BCAR1: variants seen among roughly 807,000 people sequenced by gnomAD.
The protein encoded by BCAR1 is BCAR1 scaffold protein, Cas family member, also known as breast cancer anti-estrogen resistance protein 1.
BCAR1 carries 30 observed loss-of-function variants against 67.6 expected under a neutral mutation model. The ratio of observed to expected loss-of-function variants is 0.44; its 90% CI spans 0.33 to 0.60. The LOEUF (loss-of-function observed/expected upper bound fraction) is 0.60, where lower values mean the gene tolerates loss of function less well. Ranked by LOEUF, BCAR1 falls within the 20% of genes least tolerant of loss-of-function variation. The probability of loss-of-function intolerance (pLI) is 0.02; values close to 1 mark genes in which losing one functional copy is unlikely to be tolerated. For missense variants in BCAR1, 1,313 were observed against 1,222.3 expected, an observed-to-expected ratio of 1.07 and a Z score of -1.11; for synonymous variants, 626 against 556.7, an observed-to-expected ratio of 1.12 and a Z score of -1.75.
chr16:75,258,317 C>A (rs1567623705), intron 1 of BCAR1, among the ~76,000 whole-genome samples: 2 of 152,230 alleles, frequency 1.3e-5, no homozygotes, highest in African/African-American at 2.4e-5. Flanking sequence ...AGTTCTGCTG[C>A]CCCCAGATCC....
intron 5 of BCAR1, among the ~76,000 whole-genome samples, chr16:75,234,352 G>A (rs559261749): frequency 2.3e-4 from 35 of 152,224 alleles, no homozygotes; most frequent in African/African-American, 7.7e-4. Flanking sequence ...TGGGGTACCC[G>A]CAGAAAGTCC....
intron 1 of BCAR1, chr16:75,263,727 C>T (rs961241371): frequency 3.6e-5 from 35 of 985,662 alleles, no homozygotes; most frequent in Non-Finnish European, 4.1e-5. Flanking sequence ...GAAAAGACTG[C>T]CCAAATGGAT....
Position 75,229,972 on chromosome 16 carries a change from C to A in BCAR1, c.2152G>T (p.Asp718Tyr), listed in dbSNP as rs995979152. The part of the protein sequence containing the change: ...EQEVSRPIDH[D>Y]LANWTPAQPL... The stretch of plus-strand genomic sequence containing the variant: ...TGGGCTGGCGTCCAGTTGGCCAGGT[C>A]GTGGTCTATGGGCCGTGACACCTCC... Residue 718 changes from aspartate (D) to tyrosine (Y), a missense_variant, in exon 7 of 7, where the codon GAC becomes TAC. By Grantham distance (160) the Asp-to-Tyr change is radical (BLOSUM62 -3). Coordinates refer to ENST00000162330, the MANE Select transcript of BCAR1 (RefSeq NM_014567.5). 1 of 1,586,402 alleles carries A rather than the reference C, an allele frequency of 6.3e-7. No homozygotes were observed. The highest frequency in any genetic ancestry group is 8.6e-7 in the Non-Finnish European group (1 of 1,163,858).
chr16:75,237,063 A>G, intron 3 of BCAR1, 65 bp from the exon 4 acceptor site: 1 of 1,524,018 alleles, frequency 6.6e-7, no homozygotes, highest in Non-Finnish European at 8.8e-7. Flanking sequence ...AAAGGTGGGA[A>G]CCCCGCAGCA....
chr16:75,260,838 C>T (rs989950186), intron 1 of BCAR1, among the ~76,000 whole-genome samples: 2 of 152,236 alleles, frequency 1.3e-5, no homozygotes, highest in African/African-American at 4.8e-5. Context: ...CATCAGGGAG[C>T]TTCAAGTTAA....
chr16:75,243,349 A>C (rs2077415870), intron 1 of BCAR1: 3 of 623,596 alleles, frequency 4.8e-6, no homozygotes, highest in South Asian at 1.6e-5. Context: ...TCACCACCAA[A>C]ACTCCAGGGA....
chr16:75,233,700 CA>C (rs751246341), intron 6 of BCAR1, 145 bp downstream of exon 6: 12 of 704,362 alleles, frequency 1.7e-5, no homozygotes, highest in Non-Finnish European at 2.6e-5. Flanking sequence ...GGTCAGGAGG[CA>C]GGGGGGTGGC....
At position 75,233,872 on chromosome 16, in the gene BCAR1, C is replaced by T. The variant is rs1219382310; in HGVS notation, c.2074G>A (p.Gly692Ser). Residue 692 changes from glycine (G) to serine (S), a missense_variant, in exon 6 of 7, where the codon GGC (glycine) becomes AGC (serine). Transcript: ENST00000162330. Reference protein sequence around the residue: ...LLEKGSITRQGKSQLELQQLK... With the variant: ...LLEKGSITRQSKSQLELQQLK... Reference sequence around the variant, plus strand: ...TGCTGCAACTCCAGCTGGCTCTTGCCCTGCCGCGTGATGCTGCCCTTTTCC... The same window carrying T: ...TGCTGCAACTCCAGCTGGCTCTTGCTCTGCCGCGTGATGCTGCCCTTTTCC... The T allele has an allele frequency of 2.6e-5, 42 of 1,609,624 alleles. No individual in the cohort carries two copies. The highest frequency in any genetic ancestry group is 3.5e-5 in the Non-Finnish European group (41 of 1,178,282).
intron 5 of BCAR1, 85 bp from the exon 6 acceptor site, chr16:75,234,020 G>A (rs1281422322): frequency 7.4e-7 from 1 of 1,348,404 alleles, no homozygotes; most frequent in African/African-American, 1.5e-5. Context: ...GCAGTGAGCT[G>A]AGTGGCCACC....
upstream of BCAR1, among the ~76,000 whole-genome samples, chr16:75,252,649 G>A (rs1444855388): frequency 6.6e-6 from 1 of 152,206 alleles, no homozygotes; most frequent in African/African-American, 2.4e-5. Flanking sequence ...TGAGCAATGG[G>A]ATGCCACGAG....
Position 75,259,143 on chromosome 16 carries a change from G to A in BCAR1, c.66+8772C>T, listed in dbSNP as rs79309668. Reference sequence around the variant, plus strand: ...TGCAAAGAGGCAGTTTAAACTCTAGGACACCTGGTGAGGTCTGGGACAGGG... The same window carrying A: ...TGCAAAGAGGCAGTTTAAACTCTAGAACACCTGGTGAGGTCTGGGACAGGG... On this transcript the variant is annotated intron_variant, in intron 1 of 6. Transcript: ENST00000393422. Among the ~76,000 whole-genome samples the A allele has an allele frequency of 4.3e-3, 657 of 152,320 alleles. 4 individuals carry two copies. The highest frequency in any genetic ancestry group is 7.5e-3 in the Non-Finnish European group (508 of 68,032).
At chr16:75,242,324 C>T in intron 2 of BCAR1, 146 bp downstream of exon 2, 1 of 1,254,672 alleles carries the variant, frequency 8.0e-7, no homozygotes, top group African/African-American at 1.5e-5. Flanking sequence ...ACCCCCCAAA[C>T]ACTCACTTCC....
intron 2 of BCAR1, 136 bp from the exon 3 acceptor site, chr16:75,237,480 C>T (rs769948681): frequency 1.2e-5 from 13 of 1,048,008 alleles, no homozygotes; most frequent in Non-Finnish European, 1.5e-5. Context: ...CCCAAGGATG[C>T]CAGTTCTCAC....
chr16:75,230,628 G>A (rs529665777), intron 6 of BCAR1, among the ~76,000 whole-genome samples: 2 of 152,142 alleles, frequency 1.3e-5, no homozygotes, highest in Non-Finnish European at 2.9e-5. Context: ...CCGTGCCTAG[G>A]AGTCAGCTGA....
At chr16:75,252,877 C>A (rs932199261), upstream of BCAR1, among the ~76,000 whole-genome samples, 9 of 152,308 alleles carry the variant, frequency 5.9e-5, no homozygotes, top group Non-Finnish European at 8.8e-5. Flanking sequence ...GGGGCTAGGA[C>A]AGCCCATGAT....
At chr16:75,231,517 TG>T (rs2076899822) in intron 6 of BCAR1, among the ~76,000 whole-genome samples, 1 of 152,242 alleles carries the variant, frequency 6.6e-6, no homozygotes, top group African/African-American at 2.4e-5. Flanking sequence ...GATACAAAAA[TG>T]GGGCAACAGA....
chr16:75,251,169 C>G (rs1426968897), intron 1 of BCAR1, among the ~76,000 whole-genome samples: 2 of 152,184 alleles, frequency 1.3e-5, no homozygotes, highest in South Asian at 2.1e-4. Flanking sequence ...ACACAGCAGG[C>G]GGCCGTCGGC....
At chr16:75,243,139 G>A (rs761773390) in intron 1 of BCAR1, 49 bp from the exon 2 acceptor site, 42 of 1,526,914 alleles carry the variant, frequency 2.8e-5, no homozygotes, top group South Asian at 2.1e-4. Context: ...TGCATGGGGC[G>A]TCAGGGGCTC....
chr16:75,248,339 A>C, intron 1 of BCAR1: 2 of 1,343,708 alleles, frequency 1.5e-6, no homozygotes, highest in African/African-American at 1.5e-5. Flanking sequence ...CTTCTTTCAT[A>C]CCCAGAACCA....
Sources: allele counts gnomAD v4.1 joint callset (sites outside exome capture counted in the v4.1 genomes callset), GRCh38; gene constraint gnomAD v4.1.1; transcripts MANE v1.5; gene names NCBI Gene and HGNC (gene_info 2026-07-23, HGNC 2026-07-21).